The following VPS13C variants were observed in gnomAD, a reference collection of about 807,000 sequenced individuals.
VPS13C encodes the protein vacuolar protein sorting 13 homolog C.
Under a neutral mutation model 456.8 loss-of-function variants are expected in VPS13C, and 358 were observed. That is an observed-to-expected ratio of 0.78 (90% CI 0.72 to 0.86). The LOEUF is 0.86. VPS13C is among the 40% of genes least tolerant of loss of function. The pLI, the probability that VPS13C is intolerant of heterozygous loss-of-function variation, is 0.00. For missense variants in VPS13C, 4,818 were observed against 4,385.4 expected, an observed-to-expected ratio of 1.10 and a Z score of -2.79; for synonymous variants, 1,578 against 1,486.7, an observed-to-expected ratio of 1.06 and a Z score of -1.41.
chr15:61,923,994 T>G (rs1051424509), intron 53 of VPS13C, among the ~76,000 whole-genome samples: 1 of 144,286 alleles, frequency 6.9e-6, no homozygotes, highest in African/African-American at 2.6e-5. Flanking sequence ...GCCTCCCAAG[T>G]AGCTGGGACT....
In VPS13C at chr15:62,042,894, A is replaced by G. The variant is rs546849567; in HGVS notation, c.144+1318T>C. Among the ~76,000 whole-genome samples the G allele has an allele frequency of 3.4e-4, 52 of 151,538 alleles. No homozygotes were observed. In the South Asian group the frequency reaches 0.01, roughly 30 times the overall value. On this transcript the variant is annotated intron_variant, in intron 2 of 84. Coordinates refer to ENST00000644861, the MANE Select transcript of VPS13C (RefSeq NM_020821.3). ...ACAAACCTGCACATTGGGCACATGT[A>G]CCCTAGAACTTAAAGTATAATAAAA...
Position 61,942,062 on chromosome 15 carries a change from G to C in VPS13C, c.5154C>G (p.Phe1718Leu). Reference sequence around the variant, plus strand: ...CTTTAGCAGTTTGGAAATTGTTGAGGAAGTTCTGTTGGAAGAGACAGATAT... The same window carrying C: ...CTTTAGCAGTTTGGAAATTGTTGAGCAAGTTCTGTTGGAAGAGACAGATAT... ...VHKFFMSLLN[F>L]LNNFQTAKEA... Residue 1718 changes from phenylalanine to leucine, a missense_variant, in exon 46 of 85, where the codon TTC (phenylalanine) becomes TTG (leucine). This residue lies in a region of VPS13C where 4,552 missense variants were observed against 4,130.6 expected (regional missense o/e 1.10). Transcript: ENST00000644861. 6.3e-7 allele frequency: 1 copy of C among 1,578,178 alleles called. No individual in the cohort carries two copies. Among genetic ancestry groups the C allele is most frequent in the African/African-American group, 1.3e-5 (1 of 74,230 alleles).
At chr15:61,905,874 A>AT (rs1442736936) in intron 66 of VPS13C, among the ~76,000 whole-genome samples, 4 of 151,852 alleles carry the variant, frequency 2.6e-5, no homozygotes, top group African/African-American at 9.7e-5. Flanking sequence ...CTTACACTTC[A>AT]TTTTGCTGTC....
intron 10 of VPS13C, 149 bp downstream of exon 10, chr15:62,013,784 G>A (rs1409260573): frequency 1.3e-5 from 7 of 539,124 alleles, no homozygotes; most frequent in Non-Finnish European, 2.0e-5. Context: ...TGATTACAGA[G>A]GGTCACATAG....
chr15:61,893,872 C>A (rs886100954), intron 66 of VPS13C, among the ~76,000 whole-genome samples: 1 of 151,722 alleles, frequency 6.6e-6, no homozygotes, highest in Non-Finnish European at 1.5e-5. Context: ...TTGTAAGCCT[C>A]ATAGTAACCA....
At chr15:62,037,288 TTATATTATATAA>T in intron 3 of VPS13C, among the ~76,000 whole-genome samples, 1 of 46,552 alleles carries the variant, frequency 2.1e-5, no homozygotes, top group East Asian at 6.9e-4. Context: ...ATTATATATA[TTATATTATATAA>T]TATATATATA....
chr15:61,992,196 A>G (rs987102103), intron 16 of VPS13C, among the ~76,000 whole-genome samples: 1 of 152,204 alleles, frequency 6.6e-6, no homozygotes, highest in African/African-American at 2.4e-5. Flanking sequence ...TAAAACAATT[A>G]TATTTCAGAA....
At chr15:61,972,061 C>T (rs1310465451) in intron 27 of VPS13C, among the ~76,000 whole-genome samples, 1 of 152,172 alleles carries the variant, frequency 6.6e-6, no homozygotes, top group Admixed American at 6.5e-5. Context: ...GAGATGAACA[C>T]TGTCTGTCAT....
intron 45 of VPS13C, among the ~76,000 whole-genome samples, chr15:61,942,795 G>T (rs1430589605): frequency 6.6e-6 from 1 of 152,010 alleles, no homozygotes; most frequent in Non-Finnish European, 1.5e-5. Flanking sequence ...TTGCTCTCTA[G>T]AAAAGTAAAC....
rs2042982987 is a variant in VPS13C, at chr15:61,901,122, A to G, written c.9105+6142T>C. 3.3e-5 allele frequency among the ~76,000 whole-genome samples: 5 copies of G among 151,202 alleles called. No individual in the cohort carries two copies. In the South Asian group the frequency reaches 1.0e-3, roughly 32 times the overall value. ...ACAAAAATCAATTCAAGATGGATTA[A>G]AGACTTAAACGTTAGACCTAAAACC... On this transcript the variant is annotated intron_variant, in intron 66 of 84. Transcript: ENST00000644861.
chr15:62,007,457 C>G lies in VPS13C; in HGVS notation c.1141G>C (p.Val381Leu). The change falls in exon 15 of 85, where the codon GTT (valine) becomes CTT (leucine). Residue 381 changes from valine to leucine, a missense_variant. Transcript: ENST00000644861. ...RRWWKYAIDS[V>L]LEVHIRRYTQ... is the part of the protein sequence containing the mutation. ...TACCTTCTTATATGAACTTCAAGAACAGAATCAATTGCATATTTCCACCTG... is the reference window on the plus strand; with the variant it reads ...TACCTTCTTATATGAACTTCAAGAAGAGAATCAATTGCATATTTCCACCTG... 2 of 1,587,640 alleles carry G rather than the reference C, an allele frequency of 1.3e-6. No individual in the cohort carries two copies. The highest frequency in any genetic ancestry group is 1.7e-6 in the Non-Finnish European group (2 of 1,170,292).
intron 8 of VPS13C, among the ~76,000 whole-genome samples, chr15:62,022,810 A>C (rs1311807965): frequency 6.6e-6 from 1 of 151,970 alleles, no homozygotes; most frequent in African/African-American, 2.4e-5. Flanking sequence ...TTTTAAACAA[A>C]GCAATGCATA....
chr15:61,863,112 T>C (rs932457256), intron 82 of VPS13C, among the ~76,000 whole-genome samples: 4 of 152,088 alleles, frequency 2.6e-5, no homozygotes, highest in African/African-American at 9.7e-5. Flanking sequence ...TAATCCTCCA[T>C]AACTGGACTT....
intron 9 of VPS13C, among the ~76,000 whole-genome samples, chr15:62,014,835 A>T (rs992660453): frequency 6.6e-6 from 1 of 152,144 alleles, no homozygotes; most frequent in Non-Finnish European, 1.5e-5. Flanking sequence ...ATACAATAGG[A>T]AGCATAAAAG....
At chr15:61,987,017 A>G (rs1013748198) in intron 18 of VPS13C, among the ~76,000 whole-genome samples, 5 of 152,166 alleles carry the variant, frequency 3.3e-5, no homozygotes, top group African/African-American at 1.2e-4. Context: ...AAAATTACTG[A>G]CAGATGGTCA....
chr15:61,898,170 G>A (rs1303867654), intron 66 of VPS13C, among the ~76,000 whole-genome samples: 3 of 151,806 alleles, frequency 2.0e-5, no homozygotes, highest in East Asian at 3.9e-4. Context: ...AAAGACCATC[G>A]AGACTAGGAA....
chr15:62,029,398 A>G (rs1175481966), intron 5 of VPS13C, among the ~76,000 whole-genome samples: 1 of 152,098 alleles, frequency 6.6e-6, no homozygotes, highest in East Asian at 1.9e-4. Flanking sequence ...ACTCTCTATC[A>G]GACTCCCAAA....
At position 61,873,339 on chromosome 15, in the gene VPS13C, GTC is replaced by G. The variant is rs1895170569; in HGVS notation, c.10483_10484del (p.Asp3495GlnfsTer58). ...VGKGLAAITM[D>X]KEYQQKRREE... Reference sequence around the variant, plus strand: ...CTCTTCTTTTTTGCTGATATTCCTTGTCCATTGTAATTGCTGCCAAACCTTTC... The same window carrying G: ...CTCTTCTTTTTTGCTGATATTCCTTGCATTGTAATTGCTGCCAAACCTTTC... On this transcript the variant is annotated frameshift_variant, in exon 78 of 85. Transcript: ENST00000644861. LOFTEE classifies it high-confidence loss of function. The G allele has an allele frequency of 5.0e-6, 8 of 1,613,634 alleles. No homozygotes were observed. Among genetic ancestry groups the G allele is most frequent in the Non-Finnish European group, 5.1e-6 (6 of 1,179,800 alleles).
chr15:62,059,186 G>A (rs1380529191), intron 1 of VPS13C, among the ~76,000 whole-genome samples: 1 of 152,026 alleles, frequency 6.6e-6, no homozygotes, highest in East Asian at 1.9e-4. Context: ...TACTTCATTA[G>A]GAGTAATGCT....
Sources: allele counts gnomAD v4.1 joint callset (sites outside exome capture counted in the v4.1 genomes callset), GRCh38; gene constraint gnomAD v4.1.1; regional missense constraint gnomAD v4.1.1; transcripts MANE v1.5; gene names NCBI Gene and HGNC (gene_info 2026-07-23, HGNC 2026-07-21).